CCDC102B: variants seen among roughly 807,000 people sequenced by gnomAD.
CCDC102B encodes the protein coiled-coil domain-containing protein 102B.
Under a neutral mutation model 57.4 loss-of-function variants are expected in CCDC102B, and 75 were observed. The ratio of observed to expected loss-of-function variants is 1.31; its 90% CI spans 1.08 to 1.58. CCDC102B has a LOEUF of 1.58. Among genes scored for constraint, CCDC102B ranks in the 40% most tolerant of loss-of-function variants. CCDC102B has a pLI of 0.00. For missense variants in CCDC102B, 636 were observed against 582.6 expected (o/e 1.09, Z -0.94); for synonymous variants, 206 against 201.9 (o/e 1.02, Z -0.17).
chr18:69,007,604 ACAG>A (rs2051386677), intron 6 of CCDC102B, among the ~76,000 whole-genome samples: 1 of 152,202 alleles, frequency 6.6e-6, no homozygotes, highest in Admixed American at 6.5e-5. Context: ...TGTTAAACCC[ACAG>A]CTTCTGGGCT....
intron 1 of CCDC102B, among the ~76,000 whole-genome samples, chr18:68,803,408 A>G (rs2035923212): frequency 6.6e-6 from 1 of 152,232 alleles, no homozygotes; most frequent in South Asian, 2.1e-4. Flanking sequence ...GAAGAAAAAA[A>G]GAACATTCAG....
At chr18:68,793,742 T>C (rs1341800141), upstream of CCDC102B, among the ~76,000 whole-genome samples, 2 of 152,152 alleles carry the variant, frequency 1.3e-5, no homozygotes, top group Non-Finnish European at 2.9e-5. Context: ...GCTTTGTTTT[T>C]TGCAAAATAT....
chr18:68,926,640 A>T (rs1030906993), intron 6 of CCDC102B, among the ~76,000 whole-genome samples: 4 of 151,918 alleles, frequency 2.6e-5, no homozygotes, highest in African/African-American at 4.8e-5. Context: ...ACATTAAGCT[A>T]TCTCCAAAGT....
At chr18:68,998,276 C>T (rs959731032) in intron 6 of CCDC102B, among the ~76,000 whole-genome samples, 76 of 151,448 alleles carry the variant, frequency 5.0e-4, no homozygotes, top group African/African-American at 1.8e-3. Context: ...ATATTATATA[C>T]ATAATTACAT....
intron 1 of CCDC102B, among the ~76,000 whole-genome samples, chr18:68,820,100 G>A (rs1388915498): frequency 1.3e-5 from 2 of 151,808 alleles, no homozygotes; most frequent in East Asian, 1.9e-4. Flanking sequence ...GTATAATACC[G>A]AACAGTAGTG....
At chr18:68,956,355 T>TATATATTAATAC (rs2049854515) in intron 6 of CCDC102B, among the ~76,000 whole-genome samples, 1 of 47,026 alleles carries the variant, frequency 2.1e-5, no homozygotes, top group Non-Finnish European at 4.8e-5. Flanking sequence ...TATATTAATA[T>TATATATTAATAC]ATATAATATA....
At chr18:68,902,935 C>G (rs8090892) in intron 6 of CCDC102B, among the ~76,000 whole-genome samples, 137,117 of 152,198 alleles carry the variant, frequency 0.9, 61,840 homozygotes, top group Admixed American at 0.92. Flanking sequence ...TCCCCACAAC[C>G]CGGCACATTT....
At chr18:68,744,034 C>T (rs2033516483) in intron 2 of CCDC102B, among the ~76,000 whole-genome samples, 1 of 152,084 alleles carries the variant, frequency 6.6e-6, no homozygotes, top group Non-Finnish European at 1.5e-5. Context: ...CATTTAATTT[C>T]TTTCTGAAAA....
At chr18:68,807,587 A>G (rs1317241819) in intron 1 of CCDC102B, among the ~76,000 whole-genome samples, 1 of 152,180 alleles carries the variant, frequency 6.6e-6, no homozygotes, top group African/African-American at 2.4e-5. Flanking sequence ...CTTTCCTTGC[A>G]CATGGCGTCC....
chr18:68,909,740 CTAAT>C (rs981325823), intron 6 of CCDC102B, among the ~76,000 whole-genome samples: 13 of 152,086 alleles, frequency 8.5e-5, no homozygotes, highest in African/African-American at 2.9e-4. Flanking sequence ...TTTTGATAAA[CTAAT>C]TAAGGGGGTT....
chr18:68,767,652 G>A (rs187291046), intron 2 of CCDC102B, among the ~76,000 whole-genome samples: 1 of 152,050 alleles, frequency 6.6e-6, no homozygotes, highest in Non-Finnish European at 1.5e-5. Context: ...GCAGTAAAAG[G>A]TCATAGTATC....
At chr18:68,789,870 T>C (rs920762940) in intron 2 of CCDC102B, among the ~76,000 whole-genome samples, 2 of 151,990 alleles carry the variant, frequency 1.3e-5, no homozygotes, top group East Asian at 1.9e-4. Context: ...CCGTTGCTGG[T>C]GAGGAACTGC....
At chr18:69,008,922 T>G (rs1158554426) in intron 6 of CCDC102B, among the ~76,000 whole-genome samples, 1 of 152,214 alleles carries the variant, frequency 6.6e-6, no homozygotes, top group Non-Finnish European at 1.5e-5. Context: ...GGGTTTAATG[T>G]TTTTTCTTAA....
chr18:69,032,375 G>T (rs1477058772), intron 7 of CCDC102B, among the ~76,000 whole-genome samples: 18 of 152,162 alleles, frequency 1.2e-4, no homozygotes, highest in Admixed American at 1.2e-3. Flanking sequence ...CTGTTGTCAT[G>T]AAAATTGATA....
chr18:68,765,625 G>T (rs578119026), intron 2 of CCDC102B, among the ~76,000 whole-genome samples: 1 of 152,186 alleles, frequency 6.6e-6, no homozygotes, highest in East Asian at 1.9e-4. Flanking sequence ...CTGTAGATTT[G>T]CTTATACCAT....
At chr18:68,756,643 G>A (rs563192538) in intron 2 of CCDC102B, among the ~76,000 whole-genome samples, 1 of 152,252 alleles carries the variant, frequency 6.6e-6, no homozygotes, top group South Asian at 2.1e-4. Flanking sequence ...GGGTTTTGCA[G>A]TATGGTACAA....
chr18:68,922,374 T>C (rs557473661), intron 6 of CCDC102B, among the ~76,000 whole-genome samples: 1 of 152,280 alleles, frequency 6.6e-6, no homozygotes, highest in Admixed American at 6.5e-5. Flanking sequence ...TTGTTGAACT[T>C]GTTTTGGATC....
intron 6 of CCDC102B, among the ~76,000 whole-genome samples, chr18:68,981,293 C>A (rs767821688): frequency 3.9e-5 from 6 of 151,902 alleles, no homozygotes; most frequent in Non-Finnish European, 7.4e-5. Flanking sequence ...AAAGGAAACC[C>A]AACCAATAAA....
rs555587869 is a variant in CCDC102B, at chr18:68,730,770, A to G, written c.-67+14176A>G. On this transcript the variant is annotated intron_variant, in intron 2 of 3. Coordinates refer to the CCDC102B transcript ENST00000578970. ...ACTGAATGTCACACTTAAGAAGTCA[A>G]TCCCTTGAGTCAGAAAATGTCTTCT... Among the ~76,000 whole-genome samples, 12 of 152,330 alleles carry G rather than the reference A, an allele frequency of 7.9e-5. No homozygotes were observed. The East Asian group carries it at 1.7e-3, about 22-fold the overall frequency.
Sources: gnomAD v4.1 joint callset for allele counts (sites outside exome capture counted in the v4.1 genomes callset) on GRCh38, gnomAD v4.1.1 for gene constraint, MANE v1.5 for transcripts, NCBI Gene and HGNC (gene_info 2026-07-23, HGNC 2026-07-21) for gene names.